The following ROCK2 variants were observed in gnomAD, a reference collection of about 807,000 sequenced individuals.
ROCK2 encodes rho-associated protein kinase 2.
In ROCK2, 61 loss-of-function variants were observed where a neutral mutation model predicts 195.1. The observed-to-expected ratio is 0.31, with a 90% CI of 0.25 to 0.39. ROCK2 has a LOEUF of 0.39. ROCK2 is among the 10% of genes least tolerant of loss of function. The pLI is 1.00. For missense variants in ROCK2, 1,109 were observed against 1,637.4 expected (o/e 0.68, Z 5.57); for synonymous variants, 504 against 545.5 (o/e 0.92, Z 1.06).
intron 1 of ROCK2, among the ~76,000 whole-genome samples, chr2:11,313,486 T>C (rs1318509010): frequency 1.3e-5 from 2 of 152,096 alleles, no homozygotes; most frequent in African/African-American, 4.8e-5. Context: ...TTTTTGTCGT[T>C]TGCATTTCTT....
chr2:11,301,080 A>G, intron 1 of ROCK2, among the ~76,000 whole-genome samples: 1 of 152,206 alleles, frequency 6.6e-6, no homozygotes, highest in East Asian at 1.9e-4. Context: ...AAAAATTGTA[A>G]AAAGCAATAA....
At chr2:11,343,050 T>C (rs1365657076) in intron 1 of ROCK2, among the ~76,000 whole-genome samples, 1 of 152,164 alleles carries the variant, frequency 6.6e-6, no homozygotes, top group African/African-American at 2.4e-5. Flanking sequence ...GTCTAACGGA[T>C]CTAAGGACCT....
At chr2:11,198,086 T>C (rs983500782) in intron 25 of ROCK2, among the ~76,000 whole-genome samples, 9 of 152,232 alleles carry the variant, frequency 5.9e-5, no homozygotes, top group African/African-American at 2.2e-4. Context: ...AAATATTCTA[T>C]GTGCAACAAC....
At chr2:11,183,542 TC>T (rs1377025253) in intron 32 of ROCK2, 102 bp from the exon 33 acceptor site, 2 of 779,496 alleles carry the variant, frequency 2.6e-6, no homozygotes, top group South Asian at 3.8e-5. Flanking sequence ...AACTATATAG[TC>T]TTCCAGCTAC....
intron 8 of ROCK2, among the ~76,000 whole-genome samples, 153 bp from the exon 9 acceptor site, chr2:11,221,510 G>C (rs1266955709): frequency 6.6e-6 from 1 of 152,006 alleles, no homozygotes; most frequent in Non-Finnish European, 1.5e-5. Flanking sequence ...TTAAAATTTT[G>C]TAATTTATTG....
In ROCK2 at chr2:11,308,712, A is replaced by G. The variant is rs1045580912; in HGVS notation, c.142-20976T>C. 8 of 1,609,716 alleles carry G rather than the reference A, an allele frequency of 5.0e-6. No individual in the cohort carries two copies. In the African/African-American group the frequency reaches 9.4e-5, roughly 19 times the overall value. On this transcript the variant is annotated intron_variant, in intron 1 of 32. Coordinates refer to ENST00000315872, the MANE Select transcript of ROCK2 (RefSeq NM_004850.5). ...GACATTGAGCTCCAGAAGCATGTTG[A>G]AAAATTAACCAAAGGTGCAGCTATC...
chr2:11,189,643 T>G (rs1663338356), intron 32 of ROCK2, among the ~76,000 whole-genome samples: 1 of 152,190 alleles, frequency 6.6e-6, no homozygotes, highest in Admixed American at 6.5e-5. Flanking sequence ...TTCTCATCTA[T>G]ATACCATTCA....
chr2:11,203,286 T>C (rs564008332), intron 20 of ROCK2, among the ~76,000 whole-genome samples: 1 of 152,282 alleles, frequency 6.6e-6, no homozygotes, highest in South Asian at 2.1e-4. Context: ...ACAATTTGTA[T>C]GATATAATTT....
chr2:11,340,077 T>C (rs1473493971), intron 1 of ROCK2, among the ~76,000 whole-genome samples: 1 of 152,220 alleles, frequency 6.6e-6, no homozygotes, highest in African/African-American at 2.4e-5. Flanking sequence ...GCTACTGAAG[T>C]GTATGTAAGT....
At chr2:11,321,780 T>C (rs142660542) in intron 1 of ROCK2, among the ~76,000 whole-genome samples, 37 of 152,208 alleles carry the variant, frequency 2.4e-4, no homozygotes, top group African/African-American at 8.9e-4. Flanking sequence ...TCTTCAGTCT[T>C]ACAGCACTCC....
At chr2:11,222,438 C>G (rs1419749266) in intron 7 of ROCK2, among the ~76,000 whole-genome samples, 1 of 152,154 alleles carries the variant, frequency 6.6e-6, no homozygotes, top group South Asian at 2.1e-4. Context: ...AATGAAAGTA[C>G]GTTAAGACTA....
intron 3 of ROCK2, among the ~76,000 whole-genome samples, chr2:11,252,425 A>G (rs990925877): frequency 2.6e-5 from 4 of 151,786 alleles, no homozygotes; most frequent in African/African-American, 9.7e-5. Context: ...CAGAAATACC[A>G]TTTGACCCAG....
chr2:11,237,170 A>T (rs192783157), intron 4 of ROCK2, among the ~76,000 whole-genome samples: 5 of 152,310 alleles, frequency 3.3e-5, no homozygotes, highest in Admixed American at 3.3e-4. Flanking sequence ...AACAAAAAAT[A>T]TATGTAAAAT....
chr2:11,219,225 G>A (rs543543034), intron 9 of ROCK2, among the ~76,000 whole-genome samples, 199 bp from the exon 10 acceptor site: 2 of 151,560 alleles, frequency 1.3e-5, no homozygotes, highest in African/African-American at 2.4e-5. Context: ...AGGGCCAGGC[G>A]TGGTGGTTCA....
intron 8 of ROCK2, among the ~76,000 whole-genome samples, chr2:11,221,877 T>C (rs1282387525): frequency 6.6e-6 from 1 of 152,198 alleles, no homozygotes; most frequent in African/African-American, 2.4e-5. Flanking sequence ...ATTGTAAAAG[T>C]GTTGAGAAAT....
intron 3 of ROCK2, among the ~76,000 whole-genome samples, chr2:11,250,165 T>C (rs187747085): frequency 1.3e-5 from 2 of 152,320 alleles, no homozygotes; most frequent in East Asian, 1.9e-4. Context: ...AAACCATTTA[T>C]GTAAGTAGTC....
intron 12 of ROCK2, 87 bp from the exon 13 acceptor site, chr2:11,216,293 TTGGTAGCTCTCC>T: frequency 8.3e-6 from 8 of 968,900 alleles, no homozygotes; most frequent in Non-Finnish European, 9.6e-6. Flanking sequence ...ACATAATTAC[TTGGTAGCTCTCC>T]TTTATTTTTC....
In ROCK2 at chr2:11,181,061, T is replaced by A. The variant is rs1437644833; in HGVS notation, c.*2376A>T. On this transcript the variant is annotated 3_prime_UTR_variant, in exon 33 of 33. Coordinates refer to ENST00000315872, the MANE Select transcript of ROCK2 (RefSeq NM_004850.5). Reference sequence around the variant, plus strand: ...CCTTGTACAGTTGGTCACACCATGATTCCCCATATTCTCTAATATATACAG... The same window carrying A: ...CCTTGTACAGTTGGTCACACCATGAATCCCCATATTCTCTAATATATACAG... 2 of 151,696 alleles carry A rather than the reference T, an allele frequency of 1.3e-5. No homozygotes were observed. The highest frequency in any genetic ancestry group is 2.9e-5 in the Non-Finnish European group (2 of 67,942). 9.4% of individuals were successfully genotyped at this position (151,696 alleles called of 1,614,324 possible).
At chr2:11,193,319 G>A (rs533840502) in intron 30 of ROCK2, among the ~76,000 whole-genome samples, 1 of 152,232 alleles carries the variant, frequency 6.6e-6, no homozygotes, top group South Asian at 2.1e-4. Context: ...GTCATTGTTG[G>A]TTTGACTAAT....
Sources: allele counts gnomAD v4.1 joint callset (sites outside exome capture counted in the v4.1 genomes callset), GRCh38; gene constraint gnomAD v4.1.1; transcripts MANE v1.5; gene names NCBI Gene and HGNC (gene_info 2026-07-23, HGNC 2026-07-21).